The following ZFYVE9 variants were observed in gnomAD, a reference collection of about 807,000 sequenced individuals.
ZFYVE9 encodes zinc finger FYVE domain-containing protein 9.
ZFYVE9 carries 43 observed loss-of-function variants against 126.7 expected under a neutral mutation model. The ratio of observed to expected loss-of-function variants is 0.34; its 90% CI spans 0.27 to 0.44. The LOEUF is 0.44. Ranked by LOEUF, ZFYVE9 falls within the 20% of genes least tolerant of loss-of-function variation. ZFYVE9 has a pLI of 1.00. For missense variants in ZFYVE9, 1,476 were observed against 1,697.0 expected (o/e 0.87, Z 2.29); for synonymous variants, 521 against 597.4 (o/e 0.87, Z 1.87).
intron 13 of ZFYVE9, among the ~76,000 whole-genome samples, chr1:52,327,507 CAGA>C (rs1369487395): frequency 1.3e-5 from 2 of 150,596 alleles, no homozygotes; most frequent in Non-Finnish European, 3.0e-5. Flanking sequence ...GAGGCTGAGG[CAGA>C]AGAATTGCTT....
intron 17 of ZFYVE9, among the ~76,000 whole-genome samples, chr1:52,341,590 A>G (rs541424768): frequency 6.6e-6 from 1 of 152,350 alleles, no homozygotes; most frequent in South Asian, 2.1e-4. Flanking sequence ...AAAGGATTAA[A>G]TTATAAGATC....
At chr1:52,199,872 T>G (rs1644907173) in intron 1 of ZFYVE9, among the ~76,000 whole-genome samples, 1 of 152,228 alleles carries the variant, frequency 6.6e-6, no homozygotes, top group Non-Finnish European at 1.5e-5. Flanking sequence ...TTTTGGCCAT[T>G]CTAATAGGTG....
At chr1:52,155,234 C>CTTTTT (rs202048189) in intron 1 of ZFYVE9, among the ~76,000 whole-genome samples, 6 of 129,114 alleles carry the variant, frequency 4.6e-5, no homozygotes, top group South Asian at 2.5e-4. Context: ...TCTTTTTTTT[C>CTTTTT]TTTTTTTTTT....
intron 17 of ZFYVE9, among the ~76,000 whole-genome samples, chr1:52,341,725 A>C (rs571866824): frequency 1.3e-5 from 2 of 152,326 alleles, no homozygotes; most frequent in South Asian, 4.1e-4. Flanking sequence ...ACTCAAATTC[A>C]TATGGCTAGT....
At chr1:52,332,666 C>A (rs187886582) in intron 13 of ZFYVE9, 102 bp from the exon 14 acceptor site, 6 of 1,361,776 alleles carry the variant, frequency 4.4e-6, no homozygotes, top group Non-Finnish European at 5.9e-6. Context: ...CACTTTAATA[C>A]GTAATATTCT....
chr1:52,182,702 C>T (rs7541557), intron 1 of ZFYVE9, among the ~76,000 whole-genome samples: 1,538 of 151,930 alleles, frequency 0.01, 20 homozygotes, highest in African/African-American at 0.035. Flanking sequence ...TGTCCTGTGA[C>T]CCAGCCAAAT....
At chr1:52,166,211 A>G (rs976541220) in intron 1 of ZFYVE9, among the ~76,000 whole-genome samples, 1 of 152,240 alleles carries the variant, frequency 6.6e-6, no homozygotes, top group African/African-American at 2.4e-5. Flanking sequence ...GACTACCAGT[A>G]TAGTTTGGTA....
At chr1:52,163,636 A>G (rs534101511) in intron 1 of ZFYVE9, among the ~76,000 whole-genome samples, 1 of 152,238 alleles carries the variant, frequency 6.6e-6, no homozygotes, top group African/African-American at 2.4e-5. Flanking sequence ...TTTTCTTTAT[A>G]TCCATCACAT....
chr1:52,284,908 A>G (rs915094020), intron 10 of ZFYVE9, among the ~76,000 whole-genome samples: 1 of 152,194 alleles, frequency 6.6e-6, no homozygotes, highest in African/African-American at 2.4e-5. Flanking sequence ...ACGAACATAT[A>G]TATGTATATC....
At chr1:52,324,392 C>T (rs1460595888) in intron 13 of ZFYVE9, among the ~76,000 whole-genome samples, 1 of 152,216 alleles carries the variant, frequency 6.6e-6, no homozygotes, top group African/African-American at 2.4e-5. Context: ...TTTCAGCTAA[C>T]TGGAAGGGTA....
intron 2 of ZFYVE9, among the ~76,000 whole-genome samples, chr1:52,227,961 A>G (rs544137799): frequency 2.0e-4 from 31 of 152,238 alleles, no homozygotes; most frequent in East Asian, 1.4e-3. Flanking sequence ...TGATACTCCT[A>G]TGGACTGCCA....
At chr1:52,155,656 A>G (rs941280957) in intron 1 of ZFYVE9, among the ~76,000 whole-genome samples, 8 of 152,190 alleles carry the variant, frequency 5.3e-5, no homozygotes, top group Admixed American at 3.9e-4. Context: ...CTCCAACAGC[A>G]TAGGGATTGC....
At chr1:52,281,188 A>G (rs1307569934) in intron 9 of ZFYVE9, among the ~76,000 whole-genome samples, 5 of 143,626 alleles carry the variant, frequency 3.5e-5, no homozygotes. Flanking sequence ...GCTGGAGTGC[A>G]GTGGCTCGAT....
intron 1 of ZFYVE9, among the ~76,000 whole-genome samples, chr1:52,182,627 TC>T (rs1198802855): frequency 6.6e-6 from 1 of 151,908 alleles, no homozygotes; most frequent in African/African-American, 2.4e-5. Context: ...GGCTGCAGGG[TC>T]CTCTGCGTAG....
intron 1 of ZFYVE9, among the ~76,000 whole-genome samples, chr1:52,149,693 C>G (rs1325517569): frequency 1.3e-5 from 2 of 152,160 alleles, no homozygotes; most frequent in Non-Finnish European, 2.9e-5. Context: ...CGGGGTTTCA[C>G]TATCTTGGCC....
intron 2 of ZFYVE9, among the ~76,000 whole-genome samples, chr1:52,223,547 G>T (rs1645143653): frequency 6.6e-6 from 1 of 151,986 alleles, no homozygotes; most frequent in Non-Finnish European, 1.5e-5. Flanking sequence ...GTAATGTCTG[G>T]CCAACTATTG....
At position 52,335,753 on chromosome 1, in the gene ZFYVE9, T is replaced by C. The variant is rs75659683; in HGVS notation, c.3670+985T>C. Among the ~76,000 whole-genome samples, 1,129 of 152,304 alleles carry C rather than the reference T, an allele frequency of 7.4e-3. 15 individuals are homozygous for C. Among genetic ancestry groups the C allele is most frequent in the African/African-American group, 0.026 (1,086 of 41,576 alleles). On this transcript the variant is annotated intron_variant, in intron 15 of 18. Coordinates refer to ENST00000287727, the MANE Select transcript of ZFYVE9 (RefSeq NM_004799.4). ...TTGTAGAAAAATGAGATGGGAGATATGACCATTTATGGAAAATGTAGTCTG... is the reference window on the plus strand; with the variant it reads ...TTGTAGAAAAATGAGATGGGAGATACGACCATTTATGGAAAATGTAGTCTG...
At chr1:52,293,871 T>A (rs149711011) in intron 11 of ZFYVE9, among the ~76,000 whole-genome samples, 194 bp downstream of exon 11, 1 of 152,198 alleles carries the variant, frequency 6.6e-6, no homozygotes, top group African/African-American at 2.4e-5. Context: ...TGATTATGTA[T>A]TACCTTGTAA....
intron 10 of ZFYVE9, among the ~76,000 whole-genome samples, chr1:52,290,127 C>T (rs143700862): frequency 0.011 from 1,661 of 152,230 alleles, 24 homozygotes; most frequent in African/African-American, 0.038. Context: ...AAATGTATTT[C>T]CTGTAGTTCT....
Sources: allele counts gnomAD v4.1 joint callset (sites outside exome capture counted in the v4.1 genomes callset), GRCh38; gene constraint gnomAD v4.1.1; transcripts MANE v1.5; gene names NCBI Gene and HGNC (gene_info 2026-07-23, HGNC 2026-07-21).